Variants in HAS3 observed in about 807,000 individuals in gnomAD.
HAS3 encodes the protein hyaluronan synthase 3, also known as HA synthase 3.
HAS3 carries 27 observed loss-of-function variants against 50.3 expected under a neutral mutation model. That is an observed-to-expected ratio of 0.54 (90% CI 0.40 to 0.74). The LOEUF (loss-of-function observed/expected upper bound fraction) is 0.74, where lower values mean the gene tolerates loss of function less well. Among genes scored for constraint, HAS3 ranks in the 30% least tolerant of loss-of-function variants. The pLI, the probability that HAS3 is intolerant of heterozygous loss-of-function variation, is 0.00. For missense variants in HAS3, 517 were observed against 742.8 expected (o/e 0.70, Z 3.53); for synonymous variants, 339 against 310.9 (o/e 1.09, Z -0.95).
In HAS3 at chr16:69,114,655, C is replaced by G; in HGVS notation, c.1051C>G (p.Leu351Val). ...GACCCCCACTAAGTACCTCCGGTGG[C>G]TCAACCAGCAAACCCGCTGGAGCAA... ...TETPTKYLRWLNQQTRWSKSY... is the reference protein window; with the variant it reads ...TETPTKYLRWVNQQTRWSKSY... Residue 351 changes from leucine to valine, a missense_variant, in exon 4 of 4, where the codon CTC becomes GTC. Physicochemically the swap from Leu to Val is conservative, Grantham distance 32. Transcript: ENST00000569188. The surrounding 1 kb of genome is among the most constrained non-coding windows in gnomAD (Gnocchi z 6.4). 6.2e-7 allele frequency: 1 copy of G among 1,614,146 alleles called. No individual in the cohort carries two copies. Among genetic ancestry groups the G allele is most frequent in the Non-Finnish European group, 8.5e-7 (1 of 1,180,030 alleles).
upstream of HAS3, among the ~76,000 whole-genome samples, chr16:69,104,259 G>GTTTTTTTTTTTTTTTTTTTTTTTTTT (rs544314357): frequency 7.9e-6 from 1 of 127,056 alleles, no homozygotes; most frequent in Non-Finnish European, 1.7e-5. Flanking sequence ...CCTGGCTAAT[G>GTTTTTTTTTTTTTTTTTTTTTTTTTT]TTTTTTTTTT....
At chr16:69,108,965 C>T (rs776205804) in intron 1 of HAS3, among the ~76,000 whole-genome samples, 1 of 152,170 alleles carries the variant, frequency 6.6e-6, no homozygotes, top group Non-Finnish European at 1.5e-5. Flanking sequence ...CCTCCCTGGC[C>T]CTCAGGTGCC....
the HAS3 span, among the ~76,000 whole-genome samples, chr16:69,094,379 A>G: frequency 2.0e-5 from 3 of 152,146 alleles, no homozygotes; most frequent in Non-Finnish European, 2.9e-5. Context: ...ACCACCTTCA[A>G]AACTTCAAAA....
intron 2 of HAS3, among the ~76,000 whole-genome samples, chr16:69,113,120 G>A (rs552068969): frequency 2.0e-5 from 3 of 152,306 alleles, no homozygotes; most frequent in South Asian, 2.1e-4. Flanking sequence ...TTTCAGTGAC[G>A]TTTCCCTTCT....
the HAS3 span, among the ~76,000 whole-genome samples, chr16:69,093,236 A>T: frequency 6.6e-6 from 1 of 152,164 alleles, no homozygotes; most frequent in Admixed American, 6.6e-5. Context: ...GTTTTTTGAG[A>T]CAGGGTCTCT....
At chr16:69,094,191 A>G in the HAS3 span, among the ~76,000 whole-genome samples, 1 of 152,184 alleles carries the variant, frequency 6.6e-6, no homozygotes, top group Admixed American at 6.5e-5. Context: ...TTTCGTCTTT[A>G]CTGTCTACCT....
chr16:69,095,942 G>A, the HAS3 span, among the ~76,000 whole-genome samples: 1,571 of 147,888 alleles, frequency 0.011, 38 homozygotes, highest in South Asian at 0.087. Flanking sequence ...ATGGCTGGGC[G>A]CGGTGGCTTA....
upstream of HAS3, among the ~76,000 whole-genome samples, chr16:69,102,978 A>T (rs1313527968): frequency 1.3e-5 from 2 of 150,524 alleles, no homozygotes; most frequent in Non-Finnish European, 2.9e-5. Flanking sequence ...ACTCAGACAC[A>T]TTATGTCTGG....
chr16:69,117,094 A>G lies in HAS3; in HGVS notation c.*1828A>G. 1.0e-6 allele frequency: 1 copy of G among 985,770 alleles called. No individual in the cohort carries two copies. Among genetic ancestry groups the G allele is most frequent in the East Asian group, 1.1e-4 (1 of 8,826 alleles). The allele number at this position is 985,770 out of a possible 1,614,324, so 61.1% of individuals were successfully genotyped here. ...GGTTGACATCAGACCCAACCCATGA[A>G]GGCTGGAAGGCAGCAGGCATTTGCT... On this transcript the variant is annotated 3_prime_UTR_variant, in exon 4 of 4. Transcript: ENST00000569188.
In HAS3 at chr16:69,115,875, G is replaced by A. The variant is rs1229602419; in HGVS notation, c.*609G>A. 4 of 985,726 alleles carry A rather than the reference G, an allele frequency of 4.1e-6. No individual in the cohort carries two copies. The highest frequency in any genetic ancestry group is 4.8e-6 in the Non-Finnish European group (4 of 829,960). 61.1% of individuals were successfully genotyped at this position (985,726 alleles called of 1,614,324 possible). ...CTCCACATCAACATTCCAGGGATGA[G>A]CCAAACCAGCAGGGAGTTAGCACTG... is the stretch of plus-strand genomic sequence containing the variant. On this transcript the variant is annotated 3_prime_UTR_variant, in exon 4 of 4. Transcript: ENST00000569188.
At position 69,115,298 on chromosome 16, in the gene HAS3, A is replaced by G. The variant is rs899258839; in HGVS notation, c.*32A>G. ...CCCCAAGCAGAGCGGGTAAAGTGCAATGGGTAAGGGAGGGAAGGGGAATGG... is the reference window on the plus strand; with the variant it reads ...CCCCAAGCAGAGCGGGTAAAGTGCAGTGGGTAAGGGAGGGAAGGGGAATGG... On this transcript the variant is annotated 3_prime_UTR_variant, in exon 4 of 4. Transcript: ENST00000569188. The G allele has an allele frequency of 4.2e-6, 6 of 1,424,004 alleles. No individual in the cohort carries two copies. The Admixed American group carries it at 1.2e-4, about 29-fold the overall frequency. The allele number at this position is 1,424,004 out of a possible 1,614,324, so 88.2% of individuals were successfully genotyped here. A position where few individuals can be genotyped will look rare whatever the true frequency, so the allele number is the denominator to read the frequency against.
chr16:69,115,338 G>T lies in HAS3; in HGVS notation c.*72G>T. 1 of 1,477,754 alleles carries T rather than the reference G, an allele frequency of 6.8e-7. No homozygotes were observed. Among genetic ancestry groups the T allele is most frequent in the African/African-American group, 1.4e-5 (1 of 71,360 alleles). The allele number at this position is 1,477,754 out of a possible 1,614,324, so 91.5% of individuals were successfully genotyped here. On this transcript the variant is annotated 3_prime_UTR_variant, in exon 4 of 4. Transcript: ENST00000569188. ...AAGGGGAATGGAAGAGAAAAGACAG[G>T]GTGGGAGGGAGGAGGGAGTGCTGTG...
the HAS3 span, among the ~76,000 whole-genome samples, chr16:69,099,977 A>G: frequency 6.6e-6 from 1 of 152,170 alleles, no homozygotes; most frequent in Admixed American, 6.5e-5. Flanking sequence ...CCTTCAAGCC[A>G]GCATAAAAGA....
At chr16:69,088,000 G>A in the HAS3 span, among the ~76,000 whole-genome samples, 8 of 151,822 alleles carry the variant, frequency 5.3e-5, no homozygotes, top group Non-Finnish European at 7.4e-5. Flanking sequence ...TACTGCACCC[G>A]GCCCTTGCTT....
At chr16:69,083,766 G>T in the HAS3 span, 200 of 1,322,276 alleles carry the variant, frequency 1.5e-4, no homozygotes, top group Non-Finnish European at 2.0e-4. Context: ...CTGGCAGCAT[G>T]GCTGACCCTC....
At chr16:69,095,483 A>G in the HAS3 span, among the ~76,000 whole-genome samples, 17 of 150,842 alleles carry the variant, frequency 1.1e-4, no homozygotes, top group Admixed American at 2.0e-4. Context: ...TGTGTTCTCA[A>G]CCCTGGATGC....
chr16:69,109,831 G>T lies in HAS3; in HGVS notation c.436G>T (p.Ala146Ser), dbSNP rs1322422038. 1.9e-6 allele frequency: 3 copies of T among 1,612,850 alleles called. No individual in the cohort carries two copies. The highest frequency in any genetic ancestry group is 8.5e-7 in the Non-Finnish European group (1 of 1,180,040). The change falls in exon 2 of 4, where the codon GCC becomes TCC. Residue 146 changes from alanine (A) to serine (S), a missense_variant. Physicochemically the swap from Ala to Ser is moderately conservative, Grantham distance 99. Transcript: ENST00000569188. The surrounding 1 kb of genome is among the most constrained non-coding windows in gnomAD (Gnocchi z 5.3). Reference sequence around the variant, plus strand: ...CGAGGTGCTGGGCGGCACCGAGCAGGCCGGCTTCTTTGTGTGGCGCAGCAA... The same window carrying T: ...CGAGGTGCTGGGCGGCACCGAGCAGTCCGGCTTCTTTGTGTGGCGCAGCAA... ...FHEVLGGTEQ[A>S]GFFVWRSNFH...
chr16:69,083,950 T>G, the HAS3 span: 1 of 243,022 alleles, frequency 4.1e-6, no homozygotes, highest in Non-Finnish European at 7.9e-6. Flanking sequence ...GTCTACCTGG[T>G]GAAAGTATAT....
rs1282247337 is a variant in HAS3 at position 69,106,097 on chromosome 16, G to A, written c.-1+310G>A. Among the ~76,000 whole-genome samples the A allele has an allele frequency of 6.6e-6, 1 of 152,100 alleles. No homozygotes were observed. The highest frequency in any genetic ancestry group is 1.9e-4 in the East Asian group (1 of 5,170). On this transcript the variant is annotated intron_variant, in intron 1 of 3. Transcript: ENST00000569188. The surrounding 1 kb of genome is among the most constrained non-coding windows in gnomAD (Gnocchi z 5.5). ...GTGGCGCTCCCTGGGACCGCGCGGG[G>A]TCGGGGGTGCGCCCGCGGGGGCCCT...
Sources: allele counts gnomAD v4.1 joint callset (sites outside exome capture counted in the v4.1 genomes callset), GRCh38; gene constraint gnomAD v4.1.1; non-coding constraint Gnocchi (gnomAD v3.1); transcripts MANE v1.5; gene names NCBI Gene and HGNC (gene_info 2026-07-23, HGNC 2026-07-21).